The following LRP1B variants were observed in gnomAD, a reference collection of about 807,000 sequenced individuals.
LRP1B encodes low-density lipoprotein receptor-related protein 1B.
LRP1B carries 217 observed loss-of-function variants against 556.6 expected under a neutral mutation model. The observed-to-expected ratio is 0.39, with a 90% CI of 0.35 to 0.44. The LOEUF is 0.44. Among genes scored for constraint, LRP1B ranks in the 20% least tolerant of loss-of-function variants. The probability of loss-of-function intolerance (pLI) is 1.00; values close to 1 mark genes in which losing one functional copy is unlikely to be tolerated. For missense variants in LRP1B, 5,053 were observed against 5,620.8 expected (o/e 0.90, Z 3.23); for synonymous variants, 2,047 against 1,865.8 (o/e 1.10, Z -2.50).
At chr2:141,223,971 G>C (rs567219336) in intron 6 of LRP1B, among the ~76,000 whole-genome samples, 1 of 151,988 alleles carries the variant, frequency 6.6e-6, no homozygotes, top group Non-Finnish European at 1.5e-5. Flanking sequence ...ACATAGGCAC[G>C]GGCAAAGATT....
chr2:140,937,687 G>C (rs1460263563), intron 20 of LRP1B, among the ~76,000 whole-genome samples: 2 of 152,042 alleles, frequency 1.3e-5, no homozygotes, highest in Non-Finnish European at 2.9e-5. Context: ...TTGTATTTAT[G>C]TACAGTATTT....
At chr2:140,558,473 TC>T (rs1343855837) in intron 43 of LRP1B, among the ~76,000 whole-genome samples, 1 of 152,132 alleles carries the variant, frequency 6.6e-6, no homozygotes, top group Non-Finnish European at 1.5e-5. Context: ...AAAATATTAT[TC>T]CAATTAAAGA....
At chr2:140,539,585 C>G (rs17526381) in intron 45 of LRP1B, among the ~76,000 whole-genome samples, 1 of 151,986 alleles carries the variant, frequency 6.6e-6, no homozygotes, top group African/African-American at 2.4e-5. Flanking sequence ...AGGCCTCCAC[C>G]GAACAGAAAT....
At chr2:140,373,231 G>A (rs1377889170) in intron 68 of LRP1B, 94 bp from the exon 69 acceptor site, 1 of 1,016,928 alleles carries the variant, frequency 9.8e-7, no homozygotes, top group African/African-American at 1.6e-5. Context: ...AGAAAACCTG[G>A]AACTGATCCT....
chr2:141,421,727 C>T (rs1394216822), intron 3 of LRP1B, among the ~76,000 whole-genome samples: 1 of 151,710 alleles, frequency 6.6e-6, no homozygotes, highest in East Asian at 1.9e-4. Flanking sequence ...GATTAAGTGT[C>T]TTTTGCTAGA....
intron 1 of LRP1B, among the ~76,000 whole-genome samples, chr2:142,057,232 C>A (rs1396040978): frequency 6.6e-6 from 1 of 152,110 alleles, no homozygotes; most frequent in African/African-American, 2.4e-5. Flanking sequence ...CAATCCCTAT[C>A]TCTAGGTATG....
At chr2:140,781,940 A>G (rs937834720) in intron 32 of LRP1B, among the ~76,000 whole-genome samples, 1 of 152,190 alleles carries the variant, frequency 6.6e-6, no homozygotes, top group Non-Finnish European at 1.5e-5. Flanking sequence ...AGCTCTTGAG[A>G]GCAAGGATCC....
At chr2:140,894,073 T>C (rs1693877859) in intron 23 of LRP1B, among the ~76,000 whole-genome samples, 1 of 152,184 alleles carries the variant, frequency 6.6e-6, no homozygotes. Flanking sequence ...TGTCATTTTT[T>C]AAAGAGAAAT....
chr2:141,156,329 C>T (rs1374729080), intron 7 of LRP1B, among the ~76,000 whole-genome samples: 3 of 151,986 alleles, frequency 2.0e-5, no homozygotes, highest in African/African-American at 7.2e-5. Context: ...AATACATTCC[C>T]TCCCAAATCA....
At chr2:141,518,650 T>C (rs1357035991) in intron 2 of LRP1B, among the ~76,000 whole-genome samples, 1 of 152,096 alleles carries the variant, frequency 6.6e-6, no homozygotes, top group South Asian at 2.1e-4. Context: ...GGTGATAGAA[T>C]AAAAGAGGGA....
chr2:141,126,325 C>T (rs79226998), intron 7 of LRP1B, among the ~76,000 whole-genome samples: 2,898 of 152,202 alleles, frequency 0.019, 82 homozygotes, highest in African/African-American at 0.067. Flanking sequence ...TGAGCCATCG[C>T]TCCTGCCCTT....
chr2:141,417,093 TCTTTA>T (rs1470605881), intron 3 of LRP1B, among the ~76,000 whole-genome samples: 2 of 152,218 alleles, frequency 1.3e-5, no homozygotes, highest in African/African-American at 4.8e-5. Flanking sequence ...TTGTTTCCTA[TCTTTA>T]CTTTGAAGTC....
At chr2:140,377,414 C>A (rs749160026) in intron 68 of LRP1B, among the ~76,000 whole-genome samples, 2 of 152,030 alleles carry the variant, frequency 1.3e-5, no homozygotes, top group African/African-American at 4.8e-5. Context: ...GACTTGATTG[C>A]GCAAACCTTG....
chr2:140,744,644 T>G (rs1688259020), intron 35 of LRP1B, among the ~76,000 whole-genome samples: 1 of 152,344 alleles, frequency 6.6e-6, no homozygotes, highest in South Asian at 2.1e-4. Context: ...TTTCCTTTAT[T>G]CAAGTATTTG....
chr2:141,608,987 A>C (rs1411020864), intron 2 of LRP1B, among the ~76,000 whole-genome samples: 6 of 152,184 alleles, frequency 3.9e-5, no homozygotes, highest in Non-Finnish European at 2.9e-5. Context: ...GTTGGATAGC[A>C]CTTCTTTAAT....
At chr2:142,031,362 T>C (rs1173520024) in intron 1 of LRP1B, among the ~76,000 whole-genome samples, 1 of 106,874 alleles carries the variant, frequency 9.4e-6, no homozygotes, top group African/African-American at 3.0e-5. Flanking sequence ...ATACTCTAAG[T>C]TTTAGGGTAC....
At chr2:141,513,386 A>G (rs372285267) in intron 2 of LRP1B, among the ~76,000 whole-genome samples, 2 of 152,080 alleles carry the variant, frequency 1.3e-5, no homozygotes, top group Non-Finnish European at 2.9e-5. Context: ...GTGAAAGATA[A>G]AATGTTAAAT....
At chr2:140,600,312 T>C (rs1008110628) in intron 42 of LRP1B, among the ~76,000 whole-genome samples, 10 of 152,124 alleles carry the variant, frequency 6.6e-5, no homozygotes, top group African/African-American at 1.4e-4. Context: ...CGTATTCTCA[T>C]AGGACAGTGG....
At chr2:142,031,343 T>TAATGTA (rs1469632874) in intron 1 of LRP1B, among the ~76,000 whole-genome samples, 3 of 126,618 alleles carry the variant, frequency 2.4e-5, no homozygotes, top group African/African-American at 8.5e-5. Context: ...TTTTTTTTTT[T>TAATGTA]TTTTTATTAT....
Sources: gnomAD v4.1 joint callset for allele counts (sites outside exome capture counted in the v4.1 genomes callset) on GRCh38, gnomAD v4.1.1 for gene constraint, MANE v1.5 for transcripts, NCBI Gene and HGNC (gene_info 2026-07-23, HGNC 2026-07-21) for gene names.